The following EFL1 variants were observed in gnomAD, a reference collection of about 807,000 sequenced individuals.
The protein encoded by EFL1 is elongation factor like GTPase 1.
EFL1 carries 76 observed loss-of-function variants against 126.7 expected under a neutral mutation model. The observed-to-expected ratio is 0.60, with a 90% CI of 0.50 to 0.73. The LOEUF is 0.73. EFL1 is among the 30% of genes least tolerant of loss of function. The pLI is 0.00. For synonymous variants in EFL1, 410 were observed against 448.4 expected (o/e 0.91, Z 1.08); for missense variants, 1,128 against 1,343.2 (o/e 0.84, Z 2.50).
At chr15:82,199,356 AAATATCCGAGAGTAAGAAG>A (rs1367823125) in intron 15 of EFL1, among the ~76,000 whole-genome samples, 2 of 152,208 alleles carry the variant, frequency 1.3e-5, no homozygotes, top group African/African-American at 4.8e-5. Context: ...TGGGCTTCAC[AAATATCCGAGAGTAAGAAG>A]GCCAAGGGCA....
Position 82,138,529 on chromosome 15 carries a change from C to T in EFL1, c.3174+129G>A. On this transcript the variant is annotated intron_variant, in intron 19 of 19. Coordinates refer to ENST00000268206, the MANE Select transcript of EFL1 (RefSeq NM_024580.6). ...AAAAAGCCATTTGCTTTCTCCTGTC[C>T]ATTTGACTGAGTTGAGCCATAGGAA... The T allele has an allele frequency of 3.0e-6, 3 of 1,014,330 alleles. 1 individual carries two copies. The highest frequency in any genetic ancestry group is 3.4e-5 in the South Asian group (2 of 59,406). 62.8% of individuals were successfully genotyped at this position (1,014,330 alleles called of 1,614,324 possible).
chr15:82,227,317 T>G, intron 11 of EFL1, 133 bp downstream of exon 11: 1 of 1,365,938 alleles, frequency 7.3e-7, no homozygotes, highest in Non-Finnish European at 1.0e-6. Context: ...TTTGTGAAAC[T>G]GTTCATCTGT....
intron 3 of EFL1, among the ~76,000 whole-genome samples, chr15:82,254,768 C>T (rs1439431238): frequency 3.3e-5 from 5 of 152,038 alleles, no homozygotes; most frequent in African/African-American, 9.7e-5. Context: ...CAGACCCATT[C>T]GTCCATTGTA....
chr15:82,225,398 T>C, intron 11 of EFL1, 134 bp from the exon 12 acceptor site: 2 of 610,832 alleles, frequency 3.3e-6, no homozygotes, highest in South Asian at 3.5e-5. Flanking sequence ...CCATAACTTT[T>C]TCCAACTATG....
At chr15:82,237,158 A>ACAAAT (rs2074881627) in intron 7 of EFL1, among the ~76,000 whole-genome samples, 1 of 152,176 alleles carries the variant, frequency 6.6e-6, no homozygotes, top group African/African-American at 2.4e-5. Context: ...ACAAAACAAA[A>ACAAAT]CAAACAAAAC....
At chr15:82,148,739 T>C (rs529011917) in intron 18 of EFL1, among the ~76,000 whole-genome samples, 1 of 152,290 alleles carries the variant, frequency 6.6e-6, no homozygotes, top group African/African-American at 2.4e-5. Flanking sequence ...TTTGCCCTTT[T>C]GAGAAATTAT....
chr15:82,227,523 T>C lies in EFL1; in HGVS notation c.1119A>G (p.Arg373=). 6.2e-7 allele frequency: 1 copy of C among 1,614,124 alleles called. No individual in the cohort carries two copies. ...LPSPLDITAE[R]VERLMCTGSQ... is the part of the protein sequence containing the mutation. ...ATCCTGTGCACATCAGTCTCTCCAC[T>C]CTCTCAGCTGTAATATCAAGGGGAC... Residue 373 remains arginine, a synonymous_variant, in exon 11 of 20, where the codon AGA becomes AGG. Coordinates refer to ENST00000268206, the MANE Select transcript of EFL1 (RefSeq NM_024580.6).
intron 13 of EFL1, 118 bp downstream of exon 13, chr15:82,219,960 A>G: frequency 1.3e-6 from 2 of 1,492,174 alleles, no homozygotes; most frequent in Non-Finnish European, 1.8e-6. Context: ...AAGAATGGAA[A>G]GAATATTGAT....
chr15:82,213,676 T>C (rs2074612388), intron 15 of EFL1, among the ~76,000 whole-genome samples: 1 of 152,190 alleles, frequency 6.6e-6, no homozygotes, highest in Admixed American at 6.5e-5. Flanking sequence ...AATACAGTAA[T>C]CTCAAGGAAG....
intron 15 of EFL1, among the ~76,000 whole-genome samples, chr15:82,173,063 G>A (rs765099843): frequency 6.6e-5 from 10 of 151,884 alleles, no homozygotes; most frequent in Non-Finnish European, 1.5e-4. Context: ...ATGTGCACAA[G>A]GAAAAAAATG....
intron 14 of EFL1, among the ~76,000 whole-genome samples, chr15:82,217,374 A>G (rs372871664): frequency 9.9e-3 from 263 of 26,680 alleles, no homozygotes; most frequent in African/African-American, 0.034. Flanking sequence ...ATTAGATTTG[A>G]AAAAAAAAAA....
At chr15:82,231,860 C>T (rs2074825775) in intron 7 of EFL1, among the ~76,000 whole-genome samples, 1 of 152,178 alleles carries the variant, frequency 6.6e-6, no homozygotes, top group Non-Finnish European at 1.5e-5. Context: ...TGGTAGAGTT[C>T]CTATGCCTCA....
intron 15 of EFL1, among the ~76,000 whole-genome samples, chr15:82,209,286 C>G (rs2074557950): frequency 6.6e-6 from 1 of 150,784 alleles, no homozygotes; most frequent in South Asian, 2.1e-4. Context: ...TAGGTTACCC[C>G]ACATGACTAA....
At chr15:82,256,731 G>A (rs1437860605) in intron 3 of EFL1, among the ~76,000 whole-genome samples, 1 of 152,146 alleles carries the variant, frequency 6.6e-6, no homozygotes, top group East Asian at 1.9e-4. Flanking sequence ...CTTTATATCT[G>A]TTGAAATGAT....
chr15:82,157,446 TA>T (rs2073979690), intron 17 of EFL1: 1 of 286,686 alleles, frequency 3.5e-6, no homozygotes, highest in Non-Finnish European at 6.6e-6. Flanking sequence ...GTGTTTTGTG[TA>T]CATGCTTAAA....
Position 82,257,489 on chromosome 15 carries a change from C to A in EFL1, c.159+1599G>T, listed in dbSNP as rs538557024. Among the ~76,000 whole-genome samples, 4 of 152,224 alleles carry A rather than the reference C, an allele frequency of 2.6e-5. No individual in the cohort carries two copies. In the South Asian group the frequency reaches 8.3e-4, roughly 32 times the overall value. Reference sequence around the variant, plus strand: ...TACCAGGTCAAAAGTGTCAAATGTTCCTCAACAATGTCAATGAAAAACAAA... The same window carrying A: ...TACCAGGTCAAAAGTGTCAAATGTTACTCAACAATGTCAATGAAAAACAAA... On this transcript the variant is annotated intron_variant, in intron 3 of 19. Coordinates refer to ENST00000268206, the MANE Select transcript of EFL1 (RefSeq NM_024580.6).
chr15:82,171,739 T>TA (rs1310334938), intron 15 of EFL1, among the ~76,000 whole-genome samples: 1 of 152,038 alleles, frequency 6.6e-6, no homozygotes, highest in African/African-American at 2.4e-5. Context: ...GGAGGTTGGA[T>TA]AAAAAACTAC....
intron 4 of EFL1, among the ~76,000 whole-genome samples, chr15:82,246,771 C>A (rs778267818): frequency 6.6e-6 from 1 of 152,014 alleles, no homozygotes; most frequent in African/African-American, 2.4e-5. Flanking sequence ...GAATTCTTCT[C>A]TTTTCTGTGA....
chr15:82,247,119 G>A (rs1226352416), intron 4 of EFL1, among the ~76,000 whole-genome samples: 1 of 152,034 alleles, frequency 6.6e-6, no homozygotes, highest in Non-Finnish European at 1.5e-5. Context: ...AAGAGGCTGT[G>A]GGGAGTCAAA....
Sources: allele counts gnomAD v4.1 joint callset (sites outside exome capture counted in the v4.1 genomes callset), GRCh38; gene constraint gnomAD v4.1.1; transcripts MANE v1.5; gene names NCBI Gene and HGNC (gene_info 2026-07-23, HGNC 2026-07-21).